CDH23: variants seen among roughly 807,000 people sequenced by gnomAD.
CDH23 encodes cadherin-23.
In CDH23, 189 loss-of-function variants were observed where a neutral mutation model predicts 317.1. The ratio of observed to expected loss-of-function variants is 0.60; its 90% CI spans 0.53 to 0.67. The LOEUF (loss-of-function observed/expected upper bound fraction) is 0.67. Ranked by LOEUF, CDH23 falls within the 30% of genes least tolerant of loss-of-function variation. The pLI, the probability that CDH23 is intolerant of heterozygous loss-of-function variation, is 0.00. For synonymous variants in CDH23, 1,839 were observed against 1,876.8 expected, an observed-to-expected ratio of 0.98 and a Z score of 0.52; for missense variants, 4,401 against 4,592.4, an observed-to-expected ratio of 0.96 and a Z score of 1.20.
chr10:71,567,276 C>T (rs778600901), intron 7 of CDH23, among the ~76,000 whole-genome samples: 14 of 152,324 alleles, frequency 9.2e-5, no homozygotes, highest in Admixed American at 4.6e-4. Flanking sequence ...ATAGCCTGCT[C>T]GGGTAACTTC....
intron 32 of CDH23, among the ~76,000 whole-genome samples, chr10:71,732,969 C>G (rs528410705): frequency 2.0e-5 from 3 of 152,120 alleles, no homozygotes; most frequent in African/African-American, 7.2e-5. Flanking sequence ...CAGTAGACAC[C>G]ATAGTGTCAG....
At chr10:71,590,182 A>G (rs1194144395) in intron 9 of CDH23, among the ~76,000 whole-genome samples, 3 of 152,226 alleles carry the variant, frequency 2.0e-5, no homozygotes, top group Non-Finnish European at 4.4e-5. Context: ...CTCTGAGTCA[A>G]TTAACTGGCT....
At chr10:71,477,062 G>T (rs1275427771) in intron 3 of CDH23, among the ~76,000 whole-genome samples, 6 of 152,160 alleles carry the variant, frequency 3.9e-5, no homozygotes, top group Admixed American at 2.0e-4. Flanking sequence ...TTCATCCAAG[G>T]CTCACTTGGG....
intron 3 of CDH23, among the ~76,000 whole-genome samples, chr10:71,505,660 C>A (rs1338395710): frequency 2.0e-5 from 3 of 152,136 alleles, no homozygotes; most frequent in Admixed American, 6.5e-5. Context: ...GTACCAATAG[C>A]GTCTGCTGCG....
intron 22 of CDH23, among the ~76,000 whole-genome samples, chr10:71,699,257 C>G (rs773085047): frequency 6.6e-6 from 1 of 152,246 alleles, no homozygotes; most frequent in Non-Finnish European, 1.5e-5. Context: ...TCCCCTACCC[C>G]CTAGCTCAGC....
intron 38 of CDH23, among the ~76,000 whole-genome samples, chr10:71,768,107 C>T (rs1840598538): frequency 1.3e-5 from 2 of 152,186 alleles, no homozygotes; most frequent in Non-Finnish European, 2.9e-5. Context: ...CTTTTTGCCC[C>T]CTACTACTCT....
At chr10:71,640,830 C>T (rs910023757) in intron 11 of CDH23, among the ~76,000 whole-genome samples, 14 of 152,312 alleles carry the variant, frequency 9.2e-5, no homozygotes, top group Admixed American at 8.5e-4. Context: ...AAGATCTGGG[C>T]GTGGCCCCCA....
In CDH23 at chr10:71,690,449, C is replaced by T. The variant is rs2290024; in HGVS notation, c.2060-19C>T. The T allele has an allele frequency of 6.4e-6, 10 of 1,565,992 alleles. No individual in the cohort carries two copies. Among genetic ancestry groups the T allele is most frequent in the East Asian group, 2.3e-5 (1 of 42,638 alleles). On this transcript the variant is annotated intron_variant, in intron 19 of 69. Coordinates refer to ENST00000224721, the MANE Select transcript of CDH23 (RefSeq NM_022124.6). ...CAGGGTGAGCAGCACCCCCTGCCCC[C>T]ACCTTTTTCCCCCTGAAGGAGCCAC...
rs376676393 is a variant in CDH23 at position 71,760,159 on chromosome 10, A to G, written c.4846-17521A>G. On this transcript the variant is annotated intron_variant, in intron 38 of 69. Transcript: ENST00000224721. ...TATACATATATATGTGTGTATATATATGTATATACATATATATGTGTGTAT... is the reference window on the plus strand; with the variant it reads ...TATACATATATATGTGTGTATATATGTGTATATACATATATATGTGTGTAT... Among the ~76,000 whole-genome samples the G allele has an allele frequency of 1.4e-3, 37 of 27,164 alleles. 6 individuals are homozygous for G. The highest frequency in any genetic ancestry group is 5.7e-3 in the African/African-American group (24 of 4,190). 17.8% of individuals were successfully genotyped at this position (27,164 alleles called of 152,430 possible). A position where few individuals can be genotyped will look rare whatever the true frequency, so the allele number is the denominator to read the frequency against.
intron 14 of CDH23, among the ~76,000 whole-genome samples, chr10:71,651,162 G>A (rs955201705): frequency 6.6e-6 from 1 of 152,116 alleles, no homozygotes; most frequent in Non-Finnish European, 1.5e-5. Flanking sequence ...ACCTTGCCTG[G>A]GGTCCAGGAA....
chr10:71,641,134 G>A (rs1862527469), intron 11 of CDH23, among the ~76,000 whole-genome samples: 1 of 151,988 alleles, frequency 6.6e-6, no homozygotes, highest in South Asian at 2.1e-4. Context: ...CCTTTTTCTC[G>A]ACTCCTATAG....
rs747624042 is a variant in CDH23, at chr10:71,799,576, A to G, written c.7309A>G (p.Ile2437Val). 1.4e-5 allele frequency: 22 copies of G among 1,613,956 alleles called. No homozygotes were observed. The highest frequency in any genetic ancestry group is 2.7e-5 in the African/African-American group (2 of 74,944). Reference sequence around the variant, plus strand: ...TGCTGACTCAGGCAACTTTGCACTCATTGAGTACAGCCTTGGAGATGGAGA... The same window carrying G: ...TGCTGACTCAGGCAACTTTGCACTCGTTGAGTACAGCCTTGGAGATGGAGA... ...TDADSGNFALIEYSLGDGESK... is the reference protein window; with the variant it reads ...TDADSGNFALVEYSLGDGESK... Residue 2437 changes from isoleucine to valine, a missense_variant, in exon 52 of 70, where the codon ATT becomes GTT. Physicochemically the swap from Ile to Val is conservative, Grantham distance 29. This residue lies in a region of CDH23 where 189 missense variants were observed against 250.9 expected (regional missense o/e 0.75). Coordinates refer to ENST00000224721, the MANE Select transcript of CDH23 (RefSeq NM_022124.6).
In CDH23 at chr10:71,580,627, G is replaced by C. The variant is rs75926957; in HGVS notation, c.832+2635G>C. 3.8e-3 allele frequency among the ~76,000 whole-genome samples: 575 copies of C among 152,278 alleles called. 5 individuals are homozygous for C. Among genetic ancestry groups the C allele is most frequent in the African/African-American group, 0.013 (558 of 41,556 alleles). ...TGCTATGGATGTGGCAAGGGATAGG[G>C]CCACTGTTTGACAAATATTTGCCAT... On this transcript the variant is annotated intron_variant, in intron 9 of 69. Coordinates refer to ENST00000224721, the MANE Select transcript of CDH23 (RefSeq NM_022124.6).
chr10:71,574,408 C>G (rs1056550336), intron 8 of CDH23, among the ~76,000 whole-genome samples: 26 of 152,176 alleles, frequency 1.7e-4, no homozygotes, highest in African/African-American at 6.3e-4. Flanking sequence ...TTACTGCCAG[C>G]CGATGCCTAT....
intron 6 of CDH23, among the ~76,000 whole-genome samples, chr10:71,541,113 C>T (rs1855965248): frequency 1.3e-5 from 2 of 152,086 alleles, no homozygotes; most frequent in East Asian, 3.9e-4. Context: ...GATGGCCCCC[C>T]TGGAAATAGA....
chr10:71,446,172 A>G (rs1850155965), intron 2 of CDH23, 146 bp from the exon 3 acceptor site: 1 of 754,872 alleles, frequency 1.3e-6, no homozygotes, highest in Non-Finnish European at 2.3e-6. Context: ...TTGAGGCAGG[A>G]TAGTGACTTC....
chr10:71,554,096 T>C (rs1856748746), intron 6 of CDH23, among the ~76,000 whole-genome samples: 1 of 152,220 alleles, frequency 6.6e-6, no homozygotes. Context: ...GAGCCAAAGA[T>C]TTACTGAGCA....
intron 1 of CDH23, among the ~76,000 whole-genome samples, chr10:71,435,554 G>A (rs1463187328): frequency 6.6e-6 from 1 of 152,154 alleles, no homozygotes; most frequent in Non-Finnish European, 1.5e-5. Flanking sequence ...AGAGATTTGG[G>A]GGCAGCTGGC....
intron 3 of CDH23, among the ~76,000 whole-genome samples, chr10:71,473,926 T>C (rs910779224): frequency 2.6e-5 from 4 of 152,238 alleles, no homozygotes; most frequent in African/African-American, 9.6e-5. Flanking sequence ...CTGACAAGGA[T>C]GATAATGCCT....
Sources: gnomAD v4.1 joint callset for allele counts (sites outside exome capture counted in the v4.1 genomes callset) on GRCh38, gnomAD v4.1.1 for gene constraint, gnomAD v4.1.1 regional missense constraint, MANE v1.5 for transcripts, NCBI Gene and HGNC (gene_info 2026-07-23, HGNC 2026-07-21) for gene names.